Variants in GLI2 observed in about 807,000 individuals in gnomAD.
GLI2 encodes transcription activator GLI2.
A neutral mutation model predicts 78.9 loss-of-function variants in GLI2; 22 were observed. That is an observed-to-expected ratio of 0.28 (90% CI 0.20 to 0.40). The LOEUF (loss-of-function observed/expected upper bound fraction) is 0.40. Ranked by LOEUF, GLI2 falls within the 10% of genes least tolerant of loss-of-function variation. GLI2 has a pLI of 1.00. For missense variants in GLI2, 2,097 were observed against 2,213.2 expected (o/e 0.95, Z 1.05); for synonymous variants, 974 against 963.7 (o/e 1.01, Z -0.20).
chr2:120,886,924 C>T (rs1484137736), intron 2 of GLI2, among the ~76,000 whole-genome samples: 1 of 152,220 alleles, frequency 6.6e-6, no homozygotes, highest in Admixed American at 6.5e-5. Flanking sequence ...TCCAAGATGC[C>T]TGGGGCTCAC....
At chr2:120,969,139 T>C (rs1053845185) in intron 6 of GLI2, among the ~76,000 whole-genome samples, 7 of 152,254 alleles carry the variant, frequency 4.6e-5, no homozygotes, top group Admixed American at 1.3e-4. Flanking sequence ...AGGCCTGTCA[T>C]GAATGACTCA....
chr2:120,805,310 G>A (rs916802770), intron 2 of GLI2, among the ~76,000 whole-genome samples: 2 of 152,210 alleles, frequency 1.3e-5, no homozygotes, highest in African/African-American at 2.4e-5. Context: ...CATGTTTCAC[G>A]TCACCTCTGT....
chr2:120,931,301 C>T (rs1338984755), intron 3 of GLI2, among the ~76,000 whole-genome samples: 1 of 152,190 alleles, frequency 6.6e-6, no homozygotes, highest in East Asian at 1.9e-4. Context: ...TCACCTTTTC[C>T]CCCTTGCTCT....
rs1684450326 is a variant in GLI2, at chr2:120,797,437, A to AGCG, written c.120_122dup (p.Ala44dup). 3 of 1,613,800 alleles carry AGCG rather than the reference A, an allele frequency of 1.9e-6. No homozygotes were observed. Among genetic ancestry groups the AGCG allele is most frequent in the East Asian group, 2.2e-5 (1 of 44,872 alleles). ...AGGCCTCTCCTTTGGTGGTGGCTGC[A>AGCG]GCGGCAGCAGCAGCGGTAGCTGCCC... On this transcript the variant is annotated inframe_insertion, in exon 2 of 14. Coordinates refer to ENST00000361492, the MANE Select transcript of GLI2 (RefSeq NM_001374353.1).
At chr2:120,890,719 T>C (rs2104747913) in intron 2 of GLI2, among the ~76,000 whole-genome samples, 1 of 152,342 alleles carries the variant, frequency 6.6e-6, no homozygotes, top group South Asian at 2.1e-4. Context: ...CAATGCGAAT[T>C]ACGTCACGTG....
chr2:120,844,660 C>T (rs1164212145), intron 2 of GLI2, among the ~76,000 whole-genome samples: 2 of 152,196 alleles, frequency 1.3e-5, no homozygotes, highest in African/African-American at 4.8e-5. Context: ...ACGTTTTCTT[C>T]CCTGGAGGTT....
rs117307677 is a variant in GLI2, at chr2:120,970,221, G to A, written c.846-172G>A. ...GGGAGCTGATCGCAGAAGGTGAGTGGCAGACAGTAGGAAGCCACAGCTGGT... is the reference window on the plus strand; with the variant it reads ...GGGAGCTGATCGCAGAAGGTGAGTGACAGACAGTAGGAAGCCACAGCTGGT... On this transcript the variant is annotated intron_variant, in intron 6 of 13. Transcript: ENST00000361492. 5.3e-5 allele frequency among the ~76,000 whole-genome samples: 8 copies of A among 152,246 alleles called. No homozygotes were observed. In the East Asian group the frequency reaches 1.4e-3, roughly 26 times the overall value.
At chr2:120,911,331 AG>A (rs1453201789) in intron 2 of GLI2, among the ~76,000 whole-genome samples, 1 of 152,226 alleles carries the variant, frequency 6.6e-6, no homozygotes, top group Non-Finnish European at 1.5e-5. Flanking sequence ...AATTGCTATG[AG>A]GATGAAATGA....
intron 2 of GLI2, among the ~76,000 whole-genome samples, chr2:120,884,288 A>T (rs11884713): frequency 2.6e-5 from 4 of 152,162 alleles, no homozygotes; most frequent in African/African-American, 4.8e-5. Flanking sequence ...CTGCGCGCCC[A>T]TGTGCGGGCC....
intron 2 of GLI2, among the ~76,000 whole-genome samples, chr2:120,874,353 T>G (rs933714113): frequency 6.6e-6 from 1 of 152,216 alleles, no homozygotes; most frequent in Non-Finnish European, 1.5e-5. Flanking sequence ...AAAGTTATAC[T>G]AATAATCAAA....
At chr2:120,746,340 C>T (rs1435927732) in intron 1 of GLI2, among the ~76,000 whole-genome samples, 3 of 152,208 alleles carry the variant, frequency 2.0e-5, no homozygotes, top group Non-Finnish European at 4.4e-5. Flanking sequence ...CCGTGGGCAT[C>T]AGTAAGGCAG....
At chr2:120,868,025 C>A (rs1444376068) in intron 2 of GLI2, among the ~76,000 whole-genome samples, 1 of 152,196 alleles carries the variant, frequency 6.6e-6, no homozygotes, top group Non-Finnish European at 1.5e-5. Context: ...TCCTGCCCCC[C>A]CAGCCTCCCG....
chr2:120,776,873 G>A (rs1034278142), intron 1 of GLI2, among the ~76,000 whole-genome samples: 4 of 152,204 alleles, frequency 2.6e-5, no homozygotes, highest in African/African-American at 9.6e-5. Context: ...AGTGCAGCGT[G>A]TAGAGGGCCC....
chr2:120,942,630 C>G (rs1033029937), intron 3 of GLI2, among the ~76,000 whole-genome samples: 2 of 152,228 alleles, frequency 1.3e-5, no homozygotes, highest in Admixed American at 6.5e-5. Context: ...ATGAGCCCCC[C>G]ACGTGCCTTC....
intron 2 of GLI2, among the ~76,000 whole-genome samples, chr2:120,897,631 A>G (rs1181658716): frequency 6.6e-6 from 1 of 152,116 alleles, no homozygotes; most frequent in Non-Finnish European, 1.5e-5. Context: ...AACAAAGGAC[A>G]CTTTGTGTAA....
intron 2 of GLI2, among the ~76,000 whole-genome samples, chr2:120,834,314 G>C (rs1049917230): frequency 1.3e-5 from 2 of 152,198 alleles, no homozygotes; most frequent in African/African-American, 4.8e-5. Flanking sequence ...GGTTTTTGTG[G>C]AAGGGCTGGC....
chr2:120,893,349 C>G (rs538261108), intron 2 of GLI2, among the ~76,000 whole-genome samples: 1 of 152,116 alleles, frequency 6.6e-6, no homozygotes, highest in Admixed American at 6.5e-5. Flanking sequence ...CCCTCCCCCA[C>G]CTGGGGTATG....
At chr2:120,907,116 C>T (rs1001746882) in intron 2 of GLI2, among the ~76,000 whole-genome samples, 5 of 152,296 alleles carry the variant, frequency 3.3e-5, no homozygotes, top group African/African-American at 9.6e-5. Flanking sequence ...CAAGCCTAGT[C>T]GCAGCCCAGC....
intron 2 of GLI2, among the ~76,000 whole-genome samples, chr2:120,822,600 G>A (rs927362927): frequency 1.3e-5 from 2 of 152,196 alleles, no homozygotes; most frequent in Non-Finnish European, 2.9e-5. Flanking sequence ...TTGAAAATGT[G>A]ATGACTGTGG....
Sources: gnomAD v4.1 joint callset for allele counts (sites outside exome capture counted in the v4.1 genomes callset) on GRCh38, gnomAD v4.1.1 for gene constraint, MANE v1.5 for transcripts, NCBI Gene and HGNC (gene_info 2026-07-23, HGNC 2026-07-21) for gene names.